Variants in RPSA2 observed in about 807,000 individuals in gnomAD.
RPSA2 encodes the protein ribosomal protein SA 2.
chr19:23,765,135 A>G, the RPSA2 span, among the ~76,000 whole-genome samples: 2 of 152,154 alleles, frequency 1.3e-5, no homozygotes, highest in African/African-American at 4.8e-5. Flanking sequence ...TAAAAAGCTA[A>G]CCTCTTAGAA....
At chr19:23,758,675 T>C in the RPSA2 span, 5 of 1,612,490 alleles carry the variant, frequency 3.1e-6, no homozygotes, top group African/African-American at 6.7e-5. Flanking sequence ...ATTGTGGAGC[T>C]GACTGCGGCG....
the RPSA2 span, among the ~76,000 whole-genome samples, chr19:23,783,194 C>G: frequency 6.6e-6 from 1 of 151,996 alleles, no homozygotes; most frequent in Non-Finnish European, 1.5e-5. Context: ...CTCTCAGGTT[C>G]AAGCAATTCT....
At chr19:23,787,748 C>A in the RPSA2 span, among the ~76,000 whole-genome samples, 1 of 152,130 alleles carries the variant, frequency 6.6e-6, no homozygotes, top group Admixed American at 6.6e-5. Context: ...TGATTTTTTT[C>A]TTTTATTTCT....
At chr19:23,861,783 A>G in the RPSA2 span, among the ~76,000 whole-genome samples, 2 of 152,120 alleles carry the variant, frequency 1.3e-5, no homozygotes, top group African/African-American at 4.8e-5. Flanking sequence ...TTGAATAGCT[A>G]GGCTGTAATT....
chr19:23,786,851 C>T, the RPSA2 span, among the ~76,000 whole-genome samples: 1 of 152,052 alleles, frequency 6.6e-6, no homozygotes, highest in South Asian at 2.1e-4. Flanking sequence ...TGTGCCCTTC[C>T]TATAGGGGAC....
the RPSA2 span, among the ~76,000 whole-genome samples, chr19:23,803,928 CAGAT>C: frequency 2.0e-5 from 3 of 150,634 alleles, no homozygotes; most frequent in African/African-American, 7.4e-5. Flanking sequence ...AAATCAGTGA[CAGAT>C]AAACAGAAGA....
chr19:23,773,625 A>G, the RPSA2 span, among the ~76,000 whole-genome samples: 6 of 152,152 alleles, frequency 3.9e-5, no homozygotes, highest in African/African-American at 1.4e-4. Flanking sequence ...AATAGCATAC[A>G]TCATCATTTT....
chr19:23,789,729 A>G, the RPSA2 span, among the ~76,000 whole-genome samples: 1 of 149,622 alleles, frequency 6.7e-6, no homozygotes. Flanking sequence ...TTTTTTTTGG[A>G]GACAGAGTCT....
chr19:23,764,815 GTC>G, the RPSA2 span, among the ~76,000 whole-genome samples: 1 of 151,012 alleles, frequency 6.6e-6, no homozygotes, highest in African/African-American at 2.4e-5. Context: ...AAAAAAAAAA[GTC>G]TGCGCCTCTC....
the RPSA2 span, among the ~76,000 whole-genome samples, chr19:23,835,879 C>T: frequency 0.42 from 64,068 of 152,038 alleles, 14,374 homozygotes; most frequent in Non-Finnish European, 0.52. Context: ...GGTGATCCAT[C>T]CACCTCAGCC....
the RPSA2 span, among the ~76,000 whole-genome samples, chr19:23,864,307 G>A: frequency 2.0e-5 from 3 of 152,170 alleles, no homozygotes; most frequent in Non-Finnish European, 4.4e-5. Flanking sequence ...TTTCAAACAT[G>A]TATTTCTTTA....
At chr19:23,765,472 A>T in the RPSA2 span, among the ~76,000 whole-genome samples, 2 of 151,962 alleles carry the variant, frequency 1.3e-5, no homozygotes, top group Non-Finnish European at 2.9e-5. Flanking sequence ...AAAAAATGAG[A>T]TTATGTCCAT....
the RPSA2 span, among the ~76,000 whole-genome samples, chr19:23,843,700 G>A: frequency 6.6e-6 from 1 of 152,132 alleles, no homozygotes; most frequent in Non-Finnish European, 1.5e-5. Context: ...AGAAATCTCA[G>A]GAACATCAAT....
At chr19:23,811,041 C>T in the RPSA2 span, among the ~76,000 whole-genome samples, 1 of 144,762 alleles carries the variant, frequency 6.9e-6, no homozygotes, top group Non-Finnish European at 1.5e-5. Flanking sequence ...GAGTCTTGCT[C>T]TGTCACACAG....
At chr19:23,805,229 A>G in the RPSA2 span, among the ~76,000 whole-genome samples, 2 of 151,902 alleles carry the variant, frequency 1.3e-5, no homozygotes, top group Middle Eastern at 3.4e-3. Flanking sequence ...CAATGGTGCA[A>G]TCTCGGCTCA....
the RPSA2 span, among the ~76,000 whole-genome samples, chr19:23,793,397 GT>G: frequency 6.8e-6 from 1 of 147,280 alleles, no homozygotes; most frequent in African/African-American, 2.5e-5. Context: ...TTTTGCTCTT[GT>G]TTTATTTGTA....
the RPSA2 span, among the ~76,000 whole-genome samples, chr19:23,772,336 C>T: frequency 6.6e-6 from 1 of 152,166 alleles, no homozygotes; most frequent in Non-Finnish European, 1.5e-5. Context: ...GGTGATGTGA[C>T]ACTGCTGCTT....
the RPSA2 span, among the ~76,000 whole-genome samples, chr19:23,853,755 T>C: frequency 6.6e-6 from 1 of 152,274 alleles, no homozygotes; most frequent in Admixed American, 6.5e-5. Flanking sequence ...CAAAGATTAA[T>C]GGGGATTGGC....
chr19:23,810,411 AAAAAAAAAAGGG>A, the RPSA2 span, among the ~76,000 whole-genome samples: 41 of 6,036 alleles, frequency 6.8e-3, 9 homozygotes, highest in East Asian at 0.5. Flanking sequence ...AAAAAAAAAA[AAAAAAAAAAGGG>A]AAAAGGGCTT....
Sources: allele counts gnomAD v4.1 joint callset (sites outside exome capture counted in the v4.1 genomes callset), GRCh38; gene constraint gnomAD v4.1.1; transcripts MANE v1.5; gene names NCBI Gene and HGNC (gene_info 2026-07-23, HGNC 2026-07-21).